The following IGHMBP2 variants were observed in gnomAD, a reference collection of about 807,000 sequenced individuals.
IGHMBP2 encodes the protein immunoglobulin mu DNA binding protein 2, also known as DNA-binding protein SMUBP-2.
In IGHMBP2, 81 loss-of-function variants were observed where a neutral mutation model predicts 96.0. The observed-to-expected ratio is 0.84, with a 90% confidence interval of 0.71 to 1.01. IGHMBP2 has a LOEUF of 1.01. Ranked by LOEUF, IGHMBP2 falls within the 50% of genes least tolerant of loss-of-function variation. IGHMBP2 has a pLI of 0.00. For missense variants in IGHMBP2, 1,227 were observed against 1,306.3 expected, an observed-to-expected ratio of 0.94 and a Z score of 0.94; for synonymous variants, 557 against 548.9, an observed-to-expected ratio of 1.01 and a Z score of -0.21.
chr11:68,915,187 T>TTTTTTTTTTTTTTTTTTTTTTTTTTTC (rs1858610411), intron 6 of IGHMBP2, among the ~76,000 whole-genome samples, 164 bp downstream of exon 6: 1 of 103,966 alleles, frequency 9.6e-6, no homozygotes, highest in Non-Finnish European at 2.3e-5. Context: ...TTTTTTTTTT[T>TTTTTTTTTTTTTTTTTTTTTTTTTTTC]TTTTTTTTTG....
rs898463829 is a variant in IGHMBP2, at chr11:68,938,282, C to T, written c.2712C>T (p.Ala904=). The change falls in exon 14 of 15, where the codon GCC becomes GCT. Residue 904 remains alanine, a synonymous_variant. Coordinates refer to ENST00000255078, the MANE Select transcript of IGHMBP2 (RefSeq NM_002180.3). ...DNTCGFAKCT[A]GVTTLGQFCQ... is the part of the protein sequence containing the mutation. ...CCTGCGGCTTTGCCAAGTGCACAGCCGGCGTCACAACCCTGGGCCAGTTCT... is the reference window on the plus strand; with the variant it reads ...CCTGCGGCTTTGCCAAGTGCACAGCTGGCGTCACAACCCTGGGCCAGTTCT... The T allele has an allele frequency of 3.3e-5, 54 of 1,613,662 alleles. No homozygotes were observed. In the East Asian group the frequency reaches 7.4e-4, roughly 22 times the overall value.
chr11:68,936,210 T>A (rs767977515), intron 12 of IGHMBP2, 27 bp from the exon 13 acceptor site: 2 of 1,612,952 alleles, frequency 1.2e-6, no homozygotes, highest in South Asian at 2.2e-5. Flanking sequence ...TGAAACCTGC[T>A]TCTCACTCCC....
intron 1 of IGHMBP2, 37 bp from the exon 2 acceptor site, chr11:68,906,031 GT>G: frequency 6.2e-7 from 1 of 1,605,658 alleles, no homozygotes; most frequent in Non-Finnish European, 8.5e-7. Context: ...GTAGAAACTA[GT>G]AAAAATCCTG....
intron 6 of IGHMBP2, 77 bp downstream of exon 6, chr11:68,915,100 C>A: frequency 9.0e-7 from 1 of 1,106,178 alleles, no homozygotes; most frequent in Non-Finnish European, 1.4e-6. Context: ...ATTTATCTGT[C>A]TGCATTCCTC....
Position 68,917,740 on chromosome 11 carries a change from AAAAC to A in IGHMBP2, c.921_924del (p.Asn307LysfsTer19), listed in dbSNP as rs1261847940. ...CTCCTTTGTTTTTCTTTATAGGTGA[AAAAC>A]AAAAAGACCCAGGATAAGAGAGAGA... On this transcript the variant is annotated frameshift_variant, in exon 7 of 15. Coordinates refer to ENST00000255078, the MANE Select transcript of IGHMBP2 (RefSeq NM_002180.3). LOFTEE classifies it high-confidence loss of function. The A allele has an allele frequency of 6.2e-7, 1 of 1,612,078 alleles. No homozygotes were observed. The highest frequency in any genetic ancestry group is 8.5e-7 in the Non-Finnish European group (1 of 1,178,416).
rs1858425194 is a variant in IGHMBP2, at chr11:68,911,371, C to T, written c.548-69C>T. The T allele has an allele frequency of 5.1e-5, 78 of 1,531,474 alleles. 1 individual carries two copies. The South Asian group carries it at 8.6e-4, about 17-fold the overall frequency. 94.9% of individuals were successfully genotyped at this position (1,531,474 alleles called of 1,614,324 possible). A position where few individuals can be genotyped will look rare whatever the true frequency, so the allele number is the denominator to read the frequency against. On this transcript the variant is annotated intron_variant, in intron 4 of 14. Coordinates refer to ENST00000255078, the MANE Select transcript of IGHMBP2 (RefSeq NM_002180.3). The stretch of plus-strand genomic sequence containing the variant: ...CATCACTCATCCCCCGGGGCACACA[C>T]TCTCTGAGGAGGAACACCCACAGAG...
intron 14 of IGHMBP2, among the ~76,000 whole-genome samples, chr11:68,939,047 T>C (rs1304841669): frequency 6.6e-6 from 1 of 152,070 alleles, no homozygotes; most frequent in Non-Finnish European, 1.5e-5. Flanking sequence ...GCAGGCAGGC[T>C]ATCCACCCTT....
intron 7 of IGHMBP2, among the ~76,000 whole-genome samples, chr11:68,922,414 G>T (rs886720817): frequency 8.7e-5 from 13 of 148,956 alleles, no homozygotes; most frequent in African/African-American, 3.2e-4. Flanking sequence ...GTTTTTTTTT[G>T]AGACAGAGTC....
chr11:68,908,048 C>A, intron 2 of IGHMBP2, 97 bp from the exon 3 acceptor site: 1 of 1,028,602 alleles, frequency 9.7e-7, no homozygotes, highest in Non-Finnish European at 1.5e-6. Flanking sequence ...AAGAAAGTAA[C>A]AAAGATAAAA....
chr11:68,917,654 T>C (rs1566432033), intron 6 of IGHMBP2, 82 bp from the exon 7 acceptor site: 2 of 1,149,462 alleles, frequency 1.7e-6, no homozygotes, highest in Admixed American at 1.7e-5. Flanking sequence ...CTGGACTGAA[T>C]GATAGAAGCA....
At chr11:68,929,413 C>T (rs1466752695) in intron 8 of IGHMBP2, 56 bp downstream of exon 8, 37 of 1,527,014 alleles carry the variant, frequency 2.4e-5, no homozygotes, top group Non-Finnish European at 3.3e-5. Context: ...TGCGGTCCTT[C>T]CACGCTCAGC....
intron 11 of IGHMBP2, 26 bp downstream of exon 11, chr11:68,934,584 T>A: frequency 2.0e-6 from 3 of 1,533,556 alleles, no homozygotes; most frequent in Non-Finnish European, 2.7e-6. Flanking sequence ...TTTGTCCCTC[T>A]ACAGAGCAGC....
chr11:68,936,104 C>A, intron 12 of IGHMBP2, 133 bp from the exon 13 acceptor site: 1 of 1,013,670 alleles, frequency 9.9e-7, no homozygotes, highest in Non-Finnish European at 1.5e-6. Flanking sequence ...CACGCGTGGC[C>A]GGGCACCCGT....
At chr11:68,932,898 A>C in intron 8 of IGHMBP2, 1 of 238,296 alleles carries the variant, frequency 4.2e-6, no homozygotes, top group Non-Finnish European at 8.4e-6. Context: ...CCACTGCTTG[A>C]CTTGTTGCCC....
intron 5 of IGHMBP2, 46 bp downstream of exon 5, chr11:68,911,649 G>C: frequency 6.3e-7 from 1 of 1,594,870 alleles, no homozygotes; most frequent in Non-Finnish European, 8.6e-7. Flanking sequence ...TCCGCTCCTG[G>C]TCTGTTGTGT....
intron 7 of IGHMBP2, among the ~76,000 whole-genome samples, chr11:68,918,801 G>A (rs1247010028): frequency 6.6e-6 from 1 of 151,996 alleles, no homozygotes; most frequent in Non-Finnish European, 1.5e-5. Flanking sequence ...CACCGCGCCC[G>A]GCCTGGCTGC....
intron 12 of IGHMBP2, 30 bp from the exon 13 acceptor site, chr11:68,936,207 T>A: frequency 3.7e-6 from 6 of 1,612,542 alleles, no homozygotes; most frequent in Non-Finnish European, 4.2e-6. Context: ...GTCTGAAACC[T>A]GCTTCTCACT....
At position 68,911,444 on chromosome 11, in the gene IGHMBP2, G is replaced by T. The variant is rs755103682; in HGVS notation, c.552G>T (p.Pro184=). The part of the protein sequence containing the change: ...SAPSPASEIH[P]LTFFNTCLDT... ...ACGCTGCTGCTTCTTCCACAGACCC[G>T]CTGACATTCTTCAACACCTGCCTGG... The change falls in exon 5 of 15, where the codon CCG becomes CCT. Residue 184 remains proline, a synonymous_variant. Coordinates refer to ENST00000255078, the MANE Select transcript of IGHMBP2 (RefSeq NM_002180.3). 6.2e-7 allele frequency: 1 copy of T among 1,613,702 alleles called. No homozygotes were observed. Among genetic ancestry groups the T allele is most frequent in the Non-Finnish European group, 8.5e-7 (1 of 1,179,940 alleles).
At chr11:68,916,340 C>T (rs1435683121) in intron 6 of IGHMBP2, among the ~76,000 whole-genome samples, 4 of 152,128 alleles carry the variant, frequency 2.6e-5, no homozygotes, top group Admixed American at 6.6e-5. Context: ...GGACACCAGT[C>T]GGCTGGAGAA....
Sources: allele counts gnomAD v4.1 joint callset (sites outside exome capture counted in the v4.1 genomes callset), GRCh38; gene constraint gnomAD v4.1.1; transcripts MANE v1.5; gene names NCBI Gene and HGNC (gene_info 2026-07-23, HGNC 2026-07-21).